NPSR1: variants seen among roughly 807,000 people sequenced by gnomAD.
NPSR1 encodes neuropeptide S receptor.
In NPSR1, 48 loss-of-function variants were observed where a neutral mutation model predicts 46.9. That is an observed-to-expected ratio of 1.02 (90% CI 0.81 to 1.30). NPSR1 has a LOEUF of 1.30. NPSR1 is among the 50% of genes most tolerant of loss of function. The pLI, the probability that NPSR1 is intolerant of heterozygous loss-of-function variation, is 0.00. For synonymous variants in NPSR1, 176 were observed against 168.1 expected (o/e 1.05, Z -0.36); for missense variants, 450 against 449.5 (o/e 1.00, Z -0.01).
intron 1 of NPSR1, among the ~76,000 whole-genome samples, chr7:34,662,930 T>A (rs1791528616): frequency 6.6e-6 from 1 of 152,204 alleles, no homozygotes; most frequent in Admixed American, 6.5e-5. Flanking sequence ...TAATCTTAGC[T>A]AATTCAGAAT....
At chr7:34,818,584 G>A (rs534932838) in intron 4 of NPSR1, among the ~76,000 whole-genome samples, 14 of 152,156 alleles carry the variant, frequency 9.2e-5, no homozygotes, top group Admixed American at 5.9e-4. Flanking sequence ...AGTTCATATG[G>A]AGCCATAAAA....
intron 6 of NPSR1, among the ~76,000 whole-genome samples, chr7:34,836,672 AAGAG>A (rs370898026): frequency 3.1e-4 from 47 of 149,936 alleles, no homozygotes; most frequent in African/African-American, 9.3e-4. Flanking sequence ...AGAAGAAAGA[AAGAG>A]AGAGAGGGAG....
intron 2 of NPSR1, chr7:34,711,016 C>T (rs555010736): frequency 1.7e-5 from 6 of 346,268 alleles, no homozygotes; most frequent in African/African-American, 1.3e-4. Context: ...CTGCAGAACG[C>T]AAATTGGCAT....
intron 5 of NPSR1, among the ~76,000 whole-genome samples, chr7:34,828,409 G>A (rs1789959416): frequency 6.6e-6 from 1 of 152,246 alleles, no homozygotes; most frequent in East Asian, 1.9e-4. Flanking sequence ...GTGAGCTGTA[G>A]AGGGTCTTTC....
At chr7:34,705,354 G>C (rs1794048684) in intron 2 of NPSR1, among the ~76,000 whole-genome samples, 1 of 151,256 alleles carries the variant, frequency 6.6e-6, no homozygotes, top group Admixed American at 6.6e-5. Flanking sequence ...TTGAATCCAG[G>C]AGGTGGAGGT....
intron 2 of NPSR1, among the ~76,000 whole-genome samples, chr7:34,699,572 T>G (rs1450520422): frequency 6.6e-6 from 1 of 152,274 alleles, no homozygotes; most frequent in African/African-American, 2.4e-5. Flanking sequence ...CAGCATGGTG[T>G]GGCTCTCTTC....
At chr7:34,850,546 G>GC (rs1363533232), downstream of NPSR1, among the ~76,000 whole-genome samples, 1 of 152,196 alleles carries the variant, frequency 6.6e-6, no homozygotes, top group Admixed American at 6.5e-5. Context: ...GACCACAGGT[G>GC]CCCGCCACCA....
intron 2 of NPSR1, among the ~76,000 whole-genome samples, chr7:34,697,939 A>G (rs1266801627): frequency 6.6e-6 from 1 of 152,124 alleles, no homozygotes; most frequent in East Asian, 1.9e-4. Context: ...GTCAGAGTAG[A>G]TTTTTAAATT....
chr7:34,739,928 T>C (rs1250410478), intron 2 of NPSR1, among the ~76,000 whole-genome samples: 2 of 152,150 alleles, frequency 1.3e-5, no homozygotes, highest in South Asian at 2.1e-4. Context: ...GCTGTGGTAG[T>C]ATGGGGAGGA....
At chr7:34,775,269 T>C (rs887415700) in intron 2 of NPSR1, among the ~76,000 whole-genome samples, 4 of 152,204 alleles carry the variant, frequency 2.6e-5, no homozygotes, top group Non-Finnish European at 5.9e-5. Flanking sequence ...AAACGAATAT[T>C]ATTGTCTGTT....
At chr7:34,759,250 C>A (rs1368718193) in intron 2 of NPSR1, among the ~76,000 whole-genome samples, 1 of 149,082 alleles carries the variant, frequency 6.7e-6, no homozygotes, top group African/African-American at 2.5e-5. Context: ...AGTGTAGATT[C>A]CTGTCTGAAT....
intron 7 of NPSR1, 63 bp from the exon 8 acceptor site, chr7:34,848,420 C>G: frequency 6.8e-7 from 1 of 1,471,384 alleles, no homozygotes; most frequent in Non-Finnish European, 9.4e-7. Context: ...CCAGTCAGGA[C>G]CAACCAAAAG....
At chr7:34,837,018 T>C (rs2128761023) in intron 6 of NPSR1, among the ~76,000 whole-genome samples, 1 of 152,098 alleles carries the variant, frequency 6.6e-6, no homozygotes, top group Non-Finnish European at 1.5e-5. Context: ...TAGCGGAATA[T>C]ATATGTGCCT....
At chr7:34,731,696 G>GTC (rs1784423175) in intron 2 of NPSR1, among the ~76,000 whole-genome samples, 2 of 152,302 alleles carry the variant, frequency 1.3e-5, no homozygotes, top group South Asian at 4.1e-4. Context: ...TAGCACAAAG[G>GTC]AGAGATTGGT....
At chr7:34,797,265 C>T (rs1341720129) in intron 3 of NPSR1, among the ~76,000 whole-genome samples, 1 of 152,130 alleles carries the variant, frequency 6.6e-6, no homozygotes, top group Non-Finnish European at 1.5e-5. Flanking sequence ...GGACACATGT[C>T]TATACTTTTG....
chr7:34,659,566 T>G (rs1562632008), intron 1 of NPSR1, among the ~76,000 whole-genome samples: 1 of 152,176 alleles, frequency 6.6e-6, no homozygotes, highest in Non-Finnish European at 1.5e-5. Context: ...AATAAAACTT[T>G]CAGCAGGGTG....
At chr7:34,814,302 C>T (rs1415148359) in intron 4 of NPSR1, among the ~76,000 whole-genome samples, 1 of 152,248 alleles carries the variant, frequency 6.6e-6, no homozygotes, top group Non-Finnish European at 1.5e-5. Context: ...GCACAGCAGT[C>T]TGAAATTGAA....
chr7:34,696,229 A>G (rs1409197445), intron 2 of NPSR1, among the ~76,000 whole-genome samples: 1 of 152,146 alleles, frequency 6.6e-6, no homozygotes, highest in East Asian at 1.9e-4. Flanking sequence ...ATAAAATAAC[A>G]TATGTTCTCC....
At chr7:34,752,897 T>C (rs1251200533) in intron 2 of NPSR1, among the ~76,000 whole-genome samples, 1 of 152,192 alleles carries the variant, frequency 6.6e-6, no homozygotes, top group Non-Finnish European at 1.5e-5. Flanking sequence ...CCTAGTCCGC[T>C]TGCTTCCTTC....
Sources: gnomAD v4.1 joint callset for allele counts (sites outside exome capture counted in the v4.1 genomes callset) on GRCh38, gnomAD v4.1.1 for gene constraint, MANE v1.5 for transcripts, NCBI Gene and HGNC (gene_info 2026-07-23, HGNC 2026-07-21) for gene names.